Variants in SLC41A3 observed in about 807,000 individuals in gnomAD.
SLC41A3 encodes the protein solute carrier family 41 member 3.
SLC41A3 carries 44 observed loss-of-function variants against 45.4 expected under a neutral mutation model. That is an observed-to-expected ratio of 0.97 (90% CI 0.76 to 1.25). The LOEUF (loss-of-function observed/expected upper bound fraction) is 1.25. Among genes scored for constraint, SLC41A3 ranks in the 50% most tolerant of loss-of-function variants. The pLI, the probability that SLC41A3 is intolerant of heterozygous loss-of-function variation, is 0.00. For synonymous variants in SLC41A3, 256 were observed against 252.4 expected (o/e 1.01, Z -0.13); for missense variants, 550 against 600.6 (o/e 0.92, Z 0.88).
In SLC41A3 at chr3:126,026,468, A is replaced by G; in HGVS notation, c.465T>C (p.Thr155=). Residue 155 remains threonine, a synonymous_variant, in exon 5 of 11, where the codon ACT becomes ACC. Coordinates refer to ENST00000360370, the MANE Select transcript of SLC41A3 (RefSeq NM_017836.4). The surrounding 1 kb of genome is among the most constrained non-coding windows in gnomAD (Gnocchi z 4.2). ...CCACAGCAGCCAAGAGCCCCACGAC[A>G]GTGGCCTGCACCTGTTGGACAGAAA... ...SNLALIQVQA[T]VVGLLAAVAA... The G allele has an allele frequency of 6.2e-7, 1 of 1,602,866 alleles. No homozygotes were observed. The highest frequency in any genetic ancestry group is 8.5e-7 in the Non-Finnish European group (1 of 1,174,360).
rs747052086 is a variant in SLC41A3, at chr3:126,068,096, C to T, written c.124G>A (p.Ala42Thr). ...PVASEDGALR[A>T]PESQSVTPKP... is the part of the protein sequence containing the mutation. ...GGGGTCACGCTTTGGCTCTCAGGGG[C>T]CCTGAGAGCTCCATCTTCTGAGGCT... Residue 42 changes from alanine to threonine, a missense_variant, in exon 2 of 11, where the codon GCC becomes ACC. Ala to Thr is a moderately conservative substitution (Grantham distance 58). Coordinates refer to ENST00000360370, the MANE Select transcript of SLC41A3 (RefSeq NM_017836.4). The T allele has an allele frequency of 1.9e-6, 3 of 1,613,724 alleles. No individual in the cohort carries two copies. Among genetic ancestry groups the T allele is most frequent in the African/African-American group, 1.3e-5 (1 of 74,990 alleles).
intron 1 of SLC41A3, chr3:126,070,354 T>C (rs973093800): frequency 1.3e-5 from 2 of 152,194 alleles, no homozygotes; most frequent in Admixed American, 1.3e-4. Context: ...GCTCAAACCG[T>C]ATTGTGAACT....
intron 2 of SLC41A3, among the ~76,000 whole-genome samples, chr3:126,063,257 C>G (rs1429370798): frequency 2.0e-5 from 3 of 152,202 alleles, no homozygotes; most frequent in African/African-American, 7.2e-5. Context: ...GTGGTCTCCC[C>G]TGTCCTCAGT....
At chr3:126,053,887 C>T (rs2107911480) in intron 2 of SLC41A3, among the ~76,000 whole-genome samples, 1 of 152,306 alleles carries the variant, frequency 6.6e-6, no homozygotes, top group Non-Finnish European at 1.5e-5. Flanking sequence ...CTTCTTTTCC[C>T]CAATCTGACA....
chr3:126,081,906 G>A (rs1307537126), intron 1 of SLC41A3, among the ~76,000 whole-genome samples: 3 of 152,256 alleles, frequency 2.0e-5, no homozygotes, highest in South Asian at 2.1e-4. Flanking sequence ...AGGTGCTGGC[G>A]CAGCCCTGAT....
Position 126,006,853 on chromosome 3 carries a change from C to G in SLC41A3, c.*163G>C. ...CTCTATTGCAGGCTCAGGTATCAAC[C>G]CCAGAGCCGAGGTGTGTGAGAGCTA... On this transcript the variant is annotated 3_prime_UTR_variant, in exon 11 of 11. Transcript: ENST00000360370. The G allele has an allele frequency of 6.8e-7, 1 of 1,474,506 alleles. No individual in the cohort carries two copies. The highest frequency in any genetic ancestry group is 8.9e-7 in the Non-Finnish European group (1 of 1,119,734). The allele number at this position is 1,474,506 out of a possible 1,614,324, so 91.3% of individuals were successfully genotyped here. A position where few individuals can be genotyped will look rare whatever the true frequency, so the allele number is the denominator to read the frequency against.
intron 2 of SLC41A3, chr3:126,056,846 T>G: frequency 8.2e-7 from 1 of 1,218,866 alleles, no homozygotes. Context: ...AGTGGCTGTG[T>G]GTCCGCCGGG....
At chr3:126,086,408 G>GGTTTTTTTTTTTTTTTTTTTTTTTTTTT (rs776330275), upstream of SLC41A3, among the ~76,000 whole-genome samples, 1 of 21,184 alleles carries the variant, frequency 4.7e-5, no homozygotes. Flanking sequence ...TTGTTTTCTT[G>GGTTTTTTTTTTTTTTTTTTTTTTTTTTT]TTTTTTTTTT....
chr3:126,062,600 C>A (rs1325684350), intron 2 of SLC41A3, among the ~76,000 whole-genome samples: 1 of 152,220 alleles, frequency 6.6e-6, no homozygotes, highest in African/African-American at 2.4e-5. Flanking sequence ...AGGGGGCCAT[C>A]ACCCTACATG....
intron 8 of SLC41A3, among the ~76,000 whole-genome samples, chr3:126,014,991 C>T (rs908330768): frequency 2.0e-5 from 3 of 152,190 alleles, no homozygotes; most frequent in Admixed American, 1.3e-4. Flanking sequence ...CTGTCTCAGG[C>T]ACTGCTGCAG....
At position 126,008,825 on chromosome 3, in the gene SLC41A3, C is replaced by G; in HGVS notation, c.1161G>C (p.Leu387=). 1 of 1,614,166 alleles carries G rather than the reference C, an allele frequency of 6.2e-7. No homozygotes were observed. Among genetic ancestry groups the G allele is most frequent in the Non-Finnish European group, 8.5e-7 (1 of 1,180,032 alleles). ...CCAGGTAGATGATGTAGAAGAAAAT[C>G]AGATGGCCTGGGACCACCAGCAAGA... ...VLLLLVVPGH[L]IFFYIIYLVE... The change falls in exon 10 of 11, where the codon CTG becomes CTC. Residue 387 remains leucine, a synonymous_variant. Transcript: ENST00000360370.
intron 1 of SLC41A3, among the ~76,000 whole-genome samples, chr3:126,098,472 A>G (rs1353364702): frequency 6.6e-6 from 1 of 152,242 alleles, no homozygotes; most frequent in African/African-American, 2.4e-5. Flanking sequence ...GAGCTGCTAT[A>G]ACAGTATGGC....
At chr3:126,045,246 T>TA (rs1942885569) in intron 3 of SLC41A3, among the ~76,000 whole-genome samples, 1 of 148,398 alleles carries the variant, frequency 6.7e-6, no homozygotes. Context: ...AAACTAAACC[T>TA]AAAGTTCACA....
intron 3 of SLC41A3, among the ~76,000 whole-genome samples, chr3:126,049,953 C>T (rs1020098213): frequency 6.6e-6 from 1 of 152,212 alleles, no homozygotes; most frequent in African/African-American, 2.4e-5. Context: ...TCTTTCCTCT[C>T]TTATGCTGCT....
rs1196663808 is a variant in SLC41A3, at chr3:126,016,912, C to T, written c.746-37G>A. ...ACAGGGACACACGCAGCTCATGTGGCCAAGGCCAGCACACACAGGCTGGGC... is the reference window on the plus strand; with the variant it reads ...ACAGGGACACACGCAGCTCATGTGGTCAAGGCCAGCACACACAGGCTGGGC... On this transcript the variant is annotated intron_variant, in intron 6 of 10. Transcript: ENST00000360370. 4 of 1,602,456 alleles carry T rather than the reference C, an allele frequency of 2.5e-6. No homozygotes were observed. In the East Asian group the frequency reaches 9.0e-5, roughly 36 times the overall value.
At chr3:126,014,176 C>A (rs1232578627) in intron 8 of SLC41A3, among the ~76,000 whole-genome samples, 1 of 152,134 alleles carries the variant, frequency 6.6e-6, no homozygotes, top group Non-Finnish European at 1.5e-5. Flanking sequence ...AGGCCAACCA[C>A]ACAGGCTGTT....
chr3:126,061,005 C>T (rs936334598), intron 2 of SLC41A3, among the ~76,000 whole-genome samples: 12 of 152,284 alleles, frequency 7.9e-5, no homozygotes, highest in Admixed American at 1.3e-4. Context: ...CCCACCACCT[C>T]GTTCTTACTG....
At chr3:126,098,325 G>A (rs1945643294) in intron 1 of SLC41A3, among the ~76,000 whole-genome samples, 1 of 152,208 alleles carries the variant, frequency 6.6e-6, no homozygotes, top group African/African-American at 2.4e-5. Flanking sequence ...CCAGCAAGAA[G>A]GTTACCATCT....
chr3:126,044,456 T>A (rs894173110), intron 3 of SLC41A3, among the ~76,000 whole-genome samples: 2 of 152,182 alleles, frequency 1.3e-5, no homozygotes, highest in African/African-American at 4.8e-5. Flanking sequence ...AGGAACTGAC[T>A]GGACCTAAAA....
Sources: allele counts gnomAD v4.1 joint callset (sites outside exome capture counted in the v4.1 genomes callset), GRCh38; gene constraint gnomAD v4.1.1; non-coding constraint Gnocchi (gnomAD v3.1); transcripts MANE v1.5; gene names NCBI Gene and HGNC (gene_info 2026-07-23, HGNC 2026-07-21).